Variants in TBC1D17 observed in about 807,000 individuals in gnomAD.
The protein encoded by TBC1D17 is TBC1 domain family member 17.
A neutral mutation model predicts 78.8 loss-of-function variants in TBC1D17; 69 were observed. That is an observed-to-expected ratio of 0.88 (90% CI 0.72 to 1.07). TBC1D17 has a LOEUF of 1.07. TBC1D17 is among the 50% of genes least tolerant of loss of function. TBC1D17 has a pLI of 0.00. For missense variants in TBC1D17, 957 were observed against 861.0 expected (o/e 1.11, Z -1.39); for synonymous variants, 456 against 358.3 (o/e 1.27, Z -3.08).
intron 12 of TBC1D17, 23 bp downstream of exon 12, chr19:49,884,582 G>GAC (rs761080604): frequency 1.9e-6 from 3 of 1,613,894 alleles, no homozygotes; most frequent in Non-Finnish European, 1.7e-6. Context: ...TCAGGGGTGG[G>GAC]ACACAGGCCT....
rs1232652921 is a variant in TBC1D17, at chr19:49,887,576, G to A, written c.1542+3G>A. The A allele has an allele frequency of 8.7e-6, 14 of 1,613,894 alleles. No homozygotes were observed. The highest frequency in any genetic ancestry group is 4.0e-5 in the African/African-American group (3 of 74,944). ...CGGATGTCCTTCGGCTGTGGGAGGT[G>A]GGCCAGCCAGTTTGGGCGAGAGGCC... On this transcript the variant is annotated splice_donor_region_variant and intron_variant, in intron 14 of 16. Transcript: ENST00000221543.
At chr19:49,880,457 T>G (rs2075003527) in intron 4 of TBC1D17, 55 bp downstream of exon 4, 20 of 1,591,584 alleles carry the variant, frequency 1.3e-5, no homozygotes, top group Non-Finnish European at 1.6e-5. Context: ...AGGACACATC[T>G]TGCCCTCAGT....
Position 49,888,264 on chromosome 19 carries a change from G to C in TBC1D17, c.1693G>C (p.Glu565Gln). The C allele has an allele frequency of 6.3e-7, 1 of 1,594,254 alleles. No homozygotes were observed. The highest frequency in any genetic ancestry group is 2.3e-5 in the East Asian group (1 of 44,076). ...INELTMKLSV[E>Q]DVLTRAEALH... Reference sequence around the variant, plus strand: ...CGAGCTGACTATGAAGCTGAGCGTGGAGGACGTGCTGACCCGCGCCGAGGC... The same window carrying C: ...CGAGCTGACTATGAAGCTGAGCGTGCAGGACGTGCTGACCCGCGCCGAGGC... Residue 565 changes from glutamate (E) to glutamine (Q), a missense_variant, in exon 16 of 17, where the codon GAG (glutamate) becomes CAG (glutamine). By Grantham distance (29) the Glu-to-Gln change is conservative (BLOSUM62 2). Transcript: ENST00000221543.
intron 13 of TBC1D17, among the ~76,000 whole-genome samples, chr19:49,885,736 G>T (rs2075053454): frequency 6.6e-6 from 1 of 151,962 alleles, no homozygotes; most frequent in African/African-American, 2.4e-5. Flanking sequence ...ACTTTGGGAG[G>T]CCAGGCAGGT....
Position 49,884,359 on chromosome 19 carries a change from C to T in TBC1D17, c.1233C>T (p.His411=), listed in dbSNP as rs1216805268. 3 of 1,614,002 alleles carry T rather than the reference C, an allele frequency of 1.9e-6. No individual in the cohort carries two copies. The highest frequency in any genetic ancestry group is 2.7e-5 in the African/African-American group (2 of 74,920). The part of the protein sequence containing the change: ...NDILLTYCMY[H]FDLGYVQGMS... ...TCCTCCTCACCTACTGCATGTATCA[C>T]TTCGACCTCGGTGGGTGCCAGGCCT... is the stretch of plus-strand genomic sequence containing the variant. The change falls in exon 11 of 17, where the codon CAC becomes CAT. Residue 411 remains histidine, a synonymous_variant. Coordinates refer to ENST00000221543, the MANE Select transcript of TBC1D17 (RefSeq NM_024682.3).
At position 49,884,233 on chromosome 19, in the gene TBC1D17, C is replaced by T. The variant is rs769144989; in HGVS notation, c.1127-20C>T. The T allele has an allele frequency of 8.1e-6, 13 of 1,610,564 alleles. No homozygotes were observed. The Admixed American group carries it at 1.7e-4, about 21-fold the overall frequency. On this transcript the variant is annotated intron_variant, in intron 10 of 16. Coordinates refer to ENST00000221543, the MANE Select transcript of TBC1D17 (RefSeq NM_024682.3). ...CCCCCTACCTTTCTCACCTTTGCAC[C>T]CTGTGCCCGGTCCCCGCAGAAAGGG...
chr19:49,880,463 T>TC, intron 4 of TBC1D17, 61 bp downstream of exon 4: 1 of 1,583,000 alleles, frequency 6.3e-7, no homozygotes, highest in Non-Finnish European at 8.6e-7. Context: ...CATCTTGCCC[T>TC]CAGTGGTCAC....
intron 13 of TBC1D17, among the ~76,000 whole-genome samples, chr19:49,885,974 C>CAA (rs972298479): frequency 0.024 from 1,037 of 42,852 alleles, 14 homozygotes; most frequent in African/African-American, 0.045. Flanking sequence ...GACCTTGCCT[C>CAA]AAAAAAAAAA....
chr19:49,887,868 C>A (rs764765298), intron 15 of TBC1D17, 34 bp downstream of exon 15: 9 of 1,547,856 alleles, frequency 5.8e-6, no homozygotes, highest in Admixed American at 5.4e-5. Flanking sequence ...CCCTGTCCCC[C>A]CTGAGCTGGG....
In TBC1D17 at chr19:49,888,700, C is replaced by T. The variant is rs2075088955; in HGVS notation, c.*76C>T. The stretch of plus-strand genomic sequence containing the variant: ...CACCTGCGAGGGGGCAGGTGTGCTC[C>T]GCCGCCCTGCTGATAAGCTGGCTTC... On this transcript the variant is annotated 3_prime_UTR_variant, in exon 17 of 17. Coordinates refer to ENST00000221543, the MANE Select transcript of TBC1D17 (RefSeq NM_024682.3). 1 of 1,299,024 alleles carries T rather than the reference C, an allele frequency of 7.7e-7. No individual in the cohort carries two copies. The highest frequency in any genetic ancestry group is 1.0e-6 in the Non-Finnish European group (1 of 967,076). 80.5% of individuals were successfully genotyped at this position (1,299,024 alleles called of 1,614,324 possible). A position where few individuals can be genotyped will look rare whatever the true frequency, so the allele number is the denominator to read the frequency against.
intron 2 of TBC1D17, 114 bp from the exon 3 acceptor site, chr19:49,878,384 C>T: frequency 1.6e-6 from 2 of 1,259,596 alleles, no homozygotes; most frequent in Admixed American, 1.8e-5. Context: ...GAATGAGGGG[C>T]GGGACTTTGA....
intron 13 of TBC1D17, among the ~76,000 whole-genome samples, 191 bp downstream of exon 13, chr19:49,884,949 A>G (rs1305962711): frequency 3.3e-5 from 5 of 152,224 alleles, no homozygotes; most frequent in Non-Finnish European, 7.3e-5. Flanking sequence ...ACACGCAGGA[A>G]TGCTGACTCA....
At chr19:49,882,525 G>A (rs2075024425) in intron 7 of TBC1D17, 125 bp downstream of exon 7, 2 of 1,426,696 alleles carry the variant, frequency 1.4e-6, no homozygotes, top group South Asian at 1.4e-5. Flanking sequence ...CCCTCAGGGG[G>A]TGCATGAGGA....
intron 4 of TBC1D17, 75 bp downstream of exon 4, chr19:49,880,477 C>T (rs867969532): frequency 6.4e-7 from 1 of 1,553,002 alleles, no homozygotes; most frequent in Non-Finnish European, 8.7e-7. Flanking sequence ...TGGTCACGGT[C>T]CCAAGGGCTT....
chr19:49,884,290 C>G lies in TBC1D17; in HGVS notation c.1164C>G (p.Phe388Leu). Residue 388 changes from phenylalanine (F) to leucine (L), a missense_variant, in exon 11 of 17, where the codon TTC (phenylalanine) becomes TTG (leucine). Transcript: ENST00000221543. ...DVSRTDRTNK[F>L]YEGPENPGLG... ...GCCGCACTGACAGGACCAACAAGTT[C>G]TACGAGGGTCCCGAGAACCCGGGGC... The G allele has an allele frequency of 1.9e-6, 3 of 1,614,030 alleles. No individual in the cohort carries two copies. Among genetic ancestry groups the G allele is most frequent in the Non-Finnish European group, 2.5e-6 (3 of 1,180,024 alleles).
chr19:49,884,633 CT>C (rs752341618), intron 12 of TBC1D17, 25 bp from the exon 13 acceptor site: 4 of 1,613,900 alleles, frequency 2.5e-6, no homozygotes, highest in Non-Finnish European at 2.5e-6. Flanking sequence ...GGGGTCTGCT[CT>C]TTCCCCCCTC....
intron 13 of TBC1D17, 154 bp from the exon 14 acceptor site, chr19:49,887,322 G>A (rs1274572722): frequency 2.9e-6 from 2 of 679,888 alleles, no homozygotes; most frequent in East Asian, 2.8e-5. Context: ...GGCAGGGCCC[G>A]CGTTCAGGGC....
rs981080546 is a variant in TBC1D17 at position 49,878,232 on chromosome 19, C to G, written c.111C>G (p.Val37=). 2 of 1,558,118 alleles carry G rather than the reference C, an allele frequency of 1.3e-6. No individual in the cohort carries two copies. Among genetic ancestry groups the G allele is most frequent in the Non-Finnish European group, 1.7e-6 (2 of 1,150,840 alleles). The change falls in exon 2 of 17, where the codon GTC becomes GTG. Residue 37 remains valine, a synonymous_variant. Coordinates refer to ENST00000221543, the MANE Select transcript of TBC1D17 (RefSeq NM_024682.3). ...RDSLIAGVIR[V]VEKDNDVLLH... ...CTCTCATCGCTGGTGTCATCCGTGT[C>G]GTGGAAAAGGTGCGCTGGGAGGGAG...
chr19:49,882,174 C>G (rs757604113), intron 6 of TBC1D17, 22 bp downstream of exon 6: 1 of 1,613,858 alleles, frequency 6.2e-7, no homozygotes, highest in Non-Finnish European at 8.5e-7. Flanking sequence ...CAGCAGGAGG[C>G]CTGGCGGGTG....
Sources: allele counts gnomAD v4.1 joint callset (sites outside exome capture counted in the v4.1 genomes callset), GRCh38; gene constraint gnomAD v4.1.1; transcripts MANE v1.5; gene names NCBI Gene and HGNC (gene_info 2026-07-23, HGNC 2026-07-21).